Variants in OR10J1 observed in about 807,000 individuals in gnomAD.
OR10J1 encodes olfactory receptor 10J1.
For missense variants in OR10J1, 474 were observed against 376.6 expected (o/e 1.26, Z -2.14); for synonymous variants, 202 against 143.8 (o/e 1.40, Z -2.89).
At chr1:159,419,412 T>A in the OR10J1 span, among the ~76,000 whole-genome samples, 2 of 152,210 alleles carry the variant, frequency 1.3e-5, no homozygotes, top group African/African-American at 2.4e-5. Flanking sequence ...GATGGTTTTA[T>A]AAATGGGAGT....
upstream of OR10J1, among the ~76,000 whole-genome samples, chr1:159,438,763 TA>T (rs768379357): frequency 3.9e-5 from 6 of 152,212 alleles, no homozygotes; most frequent in Non-Finnish European, 8.8e-5. Context: ...CAAATCAGAA[TA>T]TAATTTAAAT....
the OR10J1 span, chr1:159,406,171 A>T: frequency 2.0e-6 from 1 of 502,032 alleles, no homozygotes; most frequent in Non-Finnish European, 4.1e-6. Context: ...ATAGACAGCA[A>T]TGCTCAGGAA....
the OR10J1 span, among the ~76,000 whole-genome samples, chr1:159,408,470 TGGGGGGA>T: frequency 3.8e-4 from 4 of 10,526 alleles, no homozygotes; most frequent in Admixed American, 5.1e-3. Context: ...TGTTGGGGGA[TGGGGGGA>T]GGGGGGAGGG....
the OR10J1 span, chr1:159,432,311 C>T: frequency 2.4e-4 from 97 of 401,152 alleles, no homozygotes; most frequent in Admixed American, 5.7e-4. Flanking sequence ...TGGTCTTGTA[C>T]GTTTTGACCC....
the OR10J1 span, among the ~76,000 whole-genome samples, chr1:159,430,640 G>GGGGGGTGTGTGTGTGT: frequency 5.0e-5 from 7 of 140,828 alleles, no homozygotes; most frequent in African/African-American, 1.9e-4. Context: ...AAAAAATTAT[G>GGGGGGTGTGTGTGTGT]GTGTGTGTGT....
At chr1:159,438,475 C>T (rs1016614557), upstream of OR10J1, among the ~76,000 whole-genome samples, 4 of 152,190 alleles carry the variant, frequency 2.6e-5, no homozygotes, top group African/African-American at 7.2e-5. Context: ...CATACCACTC[C>T]GTGGCTGGAC....
At chr1:159,413,783 C>T in the OR10J1 span, among the ~76,000 whole-genome samples, 4 of 150,884 alleles carry the variant, frequency 2.7e-5, no homozygotes, top group African/African-American at 9.7e-5. Context: ...GGCACATGTA[C>T]ACATATGTAA....
chr1:159,422,731 C>T, the OR10J1 span, among the ~76,000 whole-genome samples: 6 of 152,156 alleles, frequency 3.9e-5, no homozygotes, highest in South Asian at 2.1e-4. Context: ...TTTGTGTAGT[C>T]CCCAGGAAGT....
chr1:159,432,270 C>T, the OR10J1 span: 1 of 401,086 alleles, frequency 2.5e-6, no homozygotes, highest in Non-Finnish European at 4.4e-6. Flanking sequence ...TTTTGAGTGG[C>T]ATCACAGACT....
chr1:159,401,142 C>T, the OR10J1 span, among the ~76,000 whole-genome samples: 1 of 149,302 alleles, frequency 6.7e-6, no homozygotes, highest in Non-Finnish European at 1.5e-5. Context: ...AGTGCCTGCA[C>T]CAAAAAAAAA....
the OR10J1 span, among the ~76,000 whole-genome samples, chr1:159,411,640 G>A: frequency 2.6e-5 from 4 of 152,026 alleles, no homozygotes; most frequent in African/African-American, 9.7e-5. Flanking sequence ...GATGAGTCTT[G>A]ACTCTTTATC....
At chr1:159,423,023 C>T in the OR10J1 span, among the ~76,000 whole-genome samples, 7 of 152,144 alleles carry the variant, frequency 4.6e-5, no homozygotes, top group Non-Finnish European at 8.8e-5. Flanking sequence ...GGTTCCTCTC[C>T]GTGGAAGAGG....
At chr1:159,415,815 T>C in the OR10J1 span, among the ~76,000 whole-genome samples, 1 of 152,046 alleles carries the variant, frequency 6.6e-6, no homozygotes, top group South Asian at 2.1e-4. Context: ...GTTTAATTTA[T>C]GAACGAGACA....
chr1:159,408,522 G>A, the OR10J1 span, among the ~76,000 whole-genome samples: 1 of 151,164 alleles, frequency 6.6e-6, no homozygotes, highest in Non-Finnish European at 1.5e-5. Context: ...GCTAGATGAC[G>A]AGTTGGTGGG....
the OR10J1 span, among the ~76,000 whole-genome samples, chr1:159,430,640 G>GGTGTGTGTGT: frequency 0.19 from 26,508 of 140,654 alleles, 3,120 homozygotes; most frequent in East Asian, 0.42. Flanking sequence ...AAAAAATTAT[G>GGTGTGTGTGT]GTGTGTGTGT....
At chr1:159,418,871 C>T in the OR10J1 span, among the ~76,000 whole-genome samples, 5 of 152,226 alleles carry the variant, frequency 3.3e-5, no homozygotes, top group African/African-American at 2.4e-5. Flanking sequence ...GAACCCACCT[C>T]TTGCATCAGT....
At chr1:159,418,430 G>A in the OR10J1 span, among the ~76,000 whole-genome samples, 2 of 152,190 alleles carry the variant, frequency 1.3e-5, no homozygotes, top group African/African-American at 2.4e-5. Context: ...GTACAGCTCA[G>A]GTCATAGCTT....
the OR10J1 span, among the ~76,000 whole-genome samples, chr1:159,415,794 GATA>G: frequency 1.3e-5 from 2 of 151,874 alleles, no homozygotes; most frequent in Non-Finnish European, 2.9e-5. Context: ...ATTATTTAAT[GATA>G]ATTAATTGTT....
chr1:159,415,180 T>C, the OR10J1 span, among the ~76,000 whole-genome samples: 5 of 152,134 alleles, frequency 3.3e-5, no homozygotes, highest in African/African-American at 1.2e-4. Context: ...CTACGTTTTC[T>C]TCTAGTTATT....
Sources: allele counts gnomAD v4.1 joint callset (sites outside exome capture counted in the v4.1 genomes callset), GRCh38; gene constraint gnomAD v4.1.1; transcripts MANE v1.5; gene names NCBI Gene and HGNC (gene_info 2026-07-23, HGNC 2026-07-21).